TRERF1: variants seen among roughly 807,000 people sequenced by gnomAD.
TRERF1 encodes transcriptional regulating factor 1, also known as transcriptional-regulating factor 1.
In TRERF1, 27 loss-of-function variants were observed where a neutral mutation model predicts 122.9. The observed-to-expected ratio is 0.22, with a 90% CI of 0.16 to 0.30. The LOEUF is 0.30. Among genes scored for constraint, TRERF1 ranks in the 10% least tolerant of loss-of-function variants. The probability of loss-of-function intolerance (pLI) is 1.00; values close to 1 mark genes in which losing one functional copy is unlikely to be tolerated. For synonymous variants in TRERF1, 636 were observed against 641.7 expected (o/e 0.99, Z 0.13); for missense variants, 1,248 against 1,560.3 (o/e 0.80, Z 3.37).
At chr6:42,344,692 T>G (rs546044502) in intron 3 of TRERF1, among the ~76,000 whole-genome samples, 1 of 152,156 alleles carries the variant, frequency 6.6e-6, no homozygotes, top group Non-Finnish European at 1.5e-5. Flanking sequence ...AGCAGTCACC[T>G]TGGCAGGACA....
At chr6:42,277,905 GGA>G (rs1781496671) in intron 4 of TRERF1, among the ~76,000 whole-genome samples, 1 of 85,008 alleles carries the variant, frequency 1.2e-5, no homozygotes, top group Admixed American at 1.2e-4. Context: ...GAAGGAAGAA[GGA>G]AGAAGAAGAA....
At chr6:42,286,955 T>C (rs1301741780) in intron 4 of TRERF1, among the ~76,000 whole-genome samples, 2 of 129,370 alleles carry the variant, frequency 1.5e-5, no homozygotes, top group East Asian at 2.3e-4. Flanking sequence ...TGGAATACTA[T>C]GCAGCCATAA....
intron 2 of TRERF1, among the ~76,000 whole-genome samples, chr6:42,416,544 TCCCGTGA>T (rs1781864914): frequency 6.6e-6 from 1 of 152,186 alleles, no homozygotes; most frequent in Non-Finnish European, 1.5e-5. Context: ...GTTCTGGAAC[TCCCGTGA>T]CCATGGAGTT....
chr6:42,375,823 C>A (rs1345160586), intron 2 of TRERF1, among the ~76,000 whole-genome samples: 1 of 152,112 alleles, frequency 6.6e-6, no homozygotes, highest in East Asian at 1.9e-4. Flanking sequence ...GCCTGGAGAA[C>A]CCCTGGACAA....
intron 4 of TRERF1, among the ~76,000 whole-genome samples, chr6:42,284,933 G>A (rs1582812350): frequency 6.6e-6 from 1 of 152,276 alleles, no homozygotes; most frequent in East Asian, 1.9e-4. Context: ...TCATGGGGCA[G>A]GCACTCTGAA....
chr6:42,279,528 G>A (rs568971226), intron 4 of TRERF1, among the ~76,000 whole-genome samples: 2 of 152,212 alleles, frequency 1.3e-5, no homozygotes, highest in Non-Finnish European at 2.9e-5. Flanking sequence ...CAGCCTCAGA[G>A]TGAATTATTA....
At chr6:42,410,734 C>T (rs1204165489) in intron 2 of TRERF1, among the ~76,000 whole-genome samples, 1 of 152,156 alleles carries the variant, frequency 6.6e-6, no homozygotes, top group African/African-American at 2.4e-5. Flanking sequence ...GCCCTGAGGA[C>T]AGAGACATGG....
Position 42,432,207 on chromosome 6 carries a change from C to T in TRERF1, c.-454+18970G>A, listed in dbSNP as rs571125103. The stretch of plus-strand genomic sequence containing the variant: ...CAGCATGTAAAAGAATTGTCTGGCA[C>T]GTGGTGAGCATTATATGAATATTTC... On this transcript the variant is annotated intron_variant, in intron 2 of 17. Coordinates refer to ENST00000372922, the Ensembl canonical transcript of TRERF1. 1.8e-4 allele frequency among the ~76,000 whole-genome samples: 28 copies of T among 152,230 alleles called. No homozygotes were observed. The South Asian group carries it at 4.6e-3, about 25-fold the overall frequency.
chr6:42,373,533 G>C (rs1774174269), intron 2 of TRERF1, among the ~76,000 whole-genome samples: 1 of 152,140 alleles, frequency 6.6e-6, no homozygotes, highest in Admixed American at 6.5e-5. Flanking sequence ...TGGGTGTGGT[G>C]GCGGGCACCT....
intron 2 of TRERF1, among the ~76,000 whole-genome samples, chr6:42,385,270 C>G (rs1169411353): frequency 1.3e-5 from 2 of 152,138 alleles, no homozygotes; most frequent in Admixed American, 1.3e-4. Context: ...AGCCACTGCA[C>G]CCGACCTGAT....
At chr6:42,361,591 C>T (rs1361461519) in intron 3 of TRERF1, among the ~76,000 whole-genome samples, 5 of 152,174 alleles carry the variant, frequency 3.3e-5, no homozygotes, top group South Asian at 2.1e-4. Context: ...CTGGGATCTC[C>T]GTTGCTCCTA....
In TRERF1 at chr6:42,264,969, A is replaced by C. The variant is rs931285870; in HGVS notation, c.1485-115T>G. 4.8e-5 allele frequency: 56 copies of C among 1,168,004 alleles called. No homozygotes were observed. In the African/African-American group the frequency reaches 7.9e-4, roughly 16 times the overall value. The allele number at this position is 1,168,004 out of a possible 1,614,324, so 72.4% of individuals were successfully genotyped here. On this transcript the variant is annotated intron_variant, in intron 6 of 17. Coordinates refer to ENST00000372922, the Ensembl canonical transcript of TRERF1. ...CCCATTTCATTCATCCAATGATCCC[A>C]TTGTCCATGGCACCACTTGTATCAC...
chr6:42,393,078 C>A lies in TRERF1; in HGVS notation c.-453-29999G>T, dbSNP rs1052885924. On this transcript the variant is annotated intron_variant, in intron 2 of 17. Coordinates refer to ENST00000372922, the Ensembl canonical transcript of TRERF1. This position sits in a 1 kb window ranked among gnomAD's most constrained non-coding sequence, Gnocchi z 4.1. ...CACAGTTAACTCCCACGAGCTGGTGCGAGCCAGCTTCCACACGCATCACCG... is the reference window on the plus strand; with the variant it reads ...CACAGTTAACTCCCACGAGCTGGTGAGAGCCAGCTTCCACACGCATCACCG... Among the ~76,000 whole-genome samples, 1 of 152,170 alleles carries A rather than the reference C, an allele frequency of 6.6e-6. No homozygotes were observed. The highest frequency in any genetic ancestry group is 1.5e-5 in the Non-Finnish European group (1 of 68,038).
At chr6:42,298,667 C>T (rs1170737222) in intron 4 of TRERF1, among the ~76,000 whole-genome samples, 7 of 146,530 alleles carry the variant, frequency 4.8e-5, no homozygotes, top group South Asian at 2.2e-4. Flanking sequence ...TGGTGGGGCA[C>T]GGTGGCTCAT....
At chr6:42,375,412 T>C (rs1410826217) in intron 2 of TRERF1, among the ~76,000 whole-genome samples, 1 of 152,220 alleles carries the variant, frequency 6.6e-6, no homozygotes, top group African/African-American at 2.4e-5. Context: ...ACACAAATGC[T>C]AGTTCCTCCT....
chr6:42,317,796 G>A (rs1015149880), intron 3 of TRERF1, among the ~76,000 whole-genome samples: 5 of 151,916 alleles, frequency 3.3e-5, no homozygotes, highest in Non-Finnish European at 7.4e-5. Context: ...TTAAGATATA[G>A]TTGAGATTAT....
intron 2 of TRERF1, among the ~76,000 whole-genome samples, chr6:42,383,927 T>C (rs922735192): frequency 1.3e-5 from 2 of 151,948 alleles, no homozygotes; most frequent in Non-Finnish European, 2.9e-5. Flanking sequence ...TCCATCAGAT[T>C]GGCAAAGATA....
At chr6:42,332,921 A>G (rs1442808028) in intron 3 of TRERF1, among the ~76,000 whole-genome samples, 1 of 152,150 alleles carries the variant, frequency 6.6e-6, no homozygotes, top group East Asian at 1.9e-4. Flanking sequence ...AGGAGAGGAA[A>G]CTGGCCTACT....
At chr6:42,350,224 C>T (rs920613702) in intron 3 of TRERF1, among the ~76,000 whole-genome samples, 3 of 152,186 alleles carry the variant, frequency 2.0e-5, no homozygotes, top group Admixed American at 2.0e-4. Flanking sequence ...TCCAACACAT[C>T]CACCTAGAAC....
Sources: allele counts gnomAD v4.1 joint callset (sites outside exome capture counted in the v4.1 genomes callset), GRCh38; gene constraint gnomAD v4.1.1; non-coding constraint Gnocchi (gnomAD v3.1); transcripts MANE v1.5; gene names NCBI Gene and HGNC (gene_info 2026-07-23, HGNC 2026-07-21).